The following PDGFD variants were observed in gnomAD, a reference collection of about 807,000 sequenced individuals.
The protein encoded by PDGFD is platelet derived growth factor D, also known as platelet-derived growth factor D.
PDGFD carries 30 observed loss-of-function variants against 44.7 expected under a neutral mutation model. That is an observed-to-expected ratio of 0.67 (90% CI 0.50 to 0.91). The LOEUF is 0.91. Ranked by LOEUF, PDGFD falls within the 40% of genes least tolerant of loss-of-function variation. The probability of loss-of-function intolerance (pLI) is 0.00; values close to 1 mark genes in which losing one functional copy is unlikely to be tolerated. For missense variants in PDGFD, 445 were observed against 457.8 expected (o/e 0.97, Z 0.25); for synonymous variants, 173 against 168.4 (o/e 1.03, Z -0.21).
chr11:103,981,648 G>A (rs1353676019), intron 3 of PDGFD, among the ~76,000 whole-genome samples: 1 of 151,702 alleles, frequency 6.6e-6, no homozygotes, highest in Non-Finnish European at 1.5e-5. Context: ...GAGTGTTTCT[G>A]ATTCATATAT....
intron 1 of PDGFD, among the ~76,000 whole-genome samples, chr11:104,099,247 A>C (rs967044106): frequency 6.6e-6 from 1 of 152,176 alleles, no homozygotes; most frequent in Non-Finnish European, 1.5e-5. Flanking sequence ...TGCTCTAAAA[A>C]TTTGTCCTTC....
chr11:103,954,758 ATTGAG>A (rs1422914598), intron 3 of PDGFD, among the ~76,000 whole-genome samples: 3 of 152,212 alleles, frequency 2.0e-5, no homozygotes, highest in Non-Finnish European at 4.4e-5. Flanking sequence ...GTGCTTCTTG[ATTGAG>A]TTAATGCTTA....
chr11:104,109,473 T>C (rs1861520033), intron 1 of PDGFD, among the ~76,000 whole-genome samples: 1 of 152,176 alleles, frequency 6.6e-6, no homozygotes, highest in African/African-American at 2.4e-5. Context: ...AAAAAAAGTC[T>C]TTTTGGATCA....
chr11:103,940,513 C>A (rs1858566270), intron 5 of PDGFD, among the ~76,000 whole-genome samples: 1 of 152,088 alleles, frequency 6.6e-6, no homozygotes, highest in African/African-American at 2.4e-5. Flanking sequence ...TTATTTGACA[C>A]CTAATGGACT....
At chr11:104,099,359 G>T (rs1278822557) in intron 1 of PDGFD, among the ~76,000 whole-genome samples, 2 of 152,050 alleles carry the variant, frequency 1.3e-5, no homozygotes, top group Non-Finnish European at 2.9e-5. Context: ...ACATTTTCCT[G>T]TTGGGTGAGG....
intron 1 of PDGFD, 29 bp downstream of exon 1, chr11:104,163,775 T>C (rs759811930): frequency 1.3e-6 from 2 of 1,503,662 alleles, no homozygotes; most frequent in South Asian, 2.7e-5. Context: ...GATTTTTTTT[T>C]CAGTTAAAAA....
At chr11:104,016,655 T>C (rs777125977) in intron 1 of PDGFD, among the ~76,000 whole-genome samples, 7 of 152,238 alleles carry the variant, frequency 4.6e-5, no homozygotes, top group Non-Finnish European at 1.0e-4. Flanking sequence ...TGTGTTTATA[T>C]CAAGCTTTAA....
chr11:103,926,852 C>A, intron 6 of PDGFD, 60 bp downstream of exon 6: 1 of 1,507,074 alleles, frequency 6.6e-7, no homozygotes, highest in Non-Finnish European at 9.1e-7. Flanking sequence ...TATGCAATGG[C>A]CCTGTCTTCC....
rs1161680735 is a variant in PDGFD at position 103,943,586 on chromosome 11, T to A, written c.638A>T (p.Lys213Ile). Residue 213 changes from lysine (K) to isoleucine (I), a missense_variant, in exon 5 of 7, where the codon AAA becomes ATA. Transcript: ENST00000393158. ...TTCCACTGTATCAAATTCTGCAATT[T>A]TTTTGTCCAGAGCATCCGCAATCAG... ...PTLIADALDKKIAEFDTVEDL... is the reference protein window; with the variant it reads ...PTLIADALDKIIAEFDTVEDL... The A allele has an allele frequency of 1.2e-6, 2 of 1,613,182 alleles. No individual in the cohort carries two copies. The highest frequency in any genetic ancestry group is 3.3e-5 in the Admixed American group (2 of 59,848).
At chr11:104,021,739 G>A (rs1591124695) in intron 1 of PDGFD, among the ~76,000 whole-genome samples, 1 of 152,172 alleles carries the variant, frequency 6.6e-6, no homozygotes, top group East Asian at 1.9e-4. Context: ...AAGCCACTGA[G>A]TTTTGGGATG....
chr11:104,060,866 T>G (rs1860702682), intron 1 of PDGFD, among the ~76,000 whole-genome samples: 1 of 152,216 alleles, frequency 6.6e-6, no homozygotes, highest in African/African-American at 2.4e-5. Flanking sequence ...TCACAAAATT[T>G]GCCATTTTAA....
intron 1 of PDGFD, among the ~76,000 whole-genome samples, chr11:104,082,699 A>G (rs958583092): frequency 6.6e-6 from 1 of 152,060 alleles, no homozygotes; most frequent in Non-Finnish European, 1.5e-5. Context: ...TGGTGTGATC[A>G]TAACTCACTG....
At chr11:103,977,680 GT>G in intron 3 of PDGFD, among the ~76,000 whole-genome samples, 1 of 152,146 alleles carries the variant, frequency 6.6e-6, no homozygotes, top group Non-Finnish European at 1.5e-5. Flanking sequence ...TAATGCATAT[GT>G]TTCTTTGTTT....
intron 1 of PDGFD, among the ~76,000 whole-genome samples, chr11:104,141,334 A>G (rs1565346913): frequency 6.6e-6 from 1 of 151,934 alleles, no homozygotes; most frequent in East Asian, 1.9e-4. Flanking sequence ...ATGAGATTTA[A>G]TTTTTTTTGT....
chr11:103,919,111 A>T (rs1289658299), intron 6 of PDGFD, among the ~76,000 whole-genome samples: 2 of 152,080 alleles, frequency 1.3e-5, no homozygotes, highest in Non-Finnish European at 2.9e-5. Context: ...ACTCCTCTCC[A>T]CTCTGGAAAA....
intron 1 of PDGFD, among the ~76,000 whole-genome samples, chr11:104,049,753 G>T (rs1351085339): frequency 1.3e-5 from 2 of 152,116 alleles, no homozygotes; most frequent in African/African-American, 4.8e-5. Context: ...AGAACAGGGG[G>T]GTCACCCTGT....
intron 1 of PDGFD, among the ~76,000 whole-genome samples, chr11:104,069,667 T>G (rs937238060): frequency 2.0e-5 from 3 of 152,172 alleles, no homozygotes; most frequent in Admixed American, 2.0e-4. Context: ...GAGACCATCC[T>G]GGCTAACACG....
At chr11:103,972,603 G>A (rs952114193) in intron 3 of PDGFD, among the ~76,000 whole-genome samples, 1 of 152,146 alleles carries the variant, frequency 6.6e-6, no homozygotes, top group Admixed American at 6.5e-5. Flanking sequence ...GAAACATAGA[G>A]AGGCTGATGC....
chr11:103,923,147 T>G (rs941363658), intron 6 of PDGFD, among the ~76,000 whole-genome samples: 8 of 152,154 alleles, frequency 5.3e-5, no homozygotes, highest in Non-Finnish European at 1.2e-4. Flanking sequence ...TTTGTTATAG[T>G]GGCCTCAGCC....
Sources: gnomAD v4.1 joint callset for allele counts (sites outside exome capture counted in the v4.1 genomes callset) on GRCh38, gnomAD v4.1.1 for gene constraint, MANE v1.5 for transcripts, NCBI Gene and HGNC (gene_info 2026-07-23, HGNC 2026-07-21) for gene names.